Variants in GRAMD1C observed in about 807,000 individuals in gnomAD.
GRAMD1C encodes the protein protein Aster-C.
A neutral mutation model predicts 97.8 loss-of-function variants in GRAMD1C; 89 were observed. The observed-to-expected ratio is 0.91, with a 90% confidence interval of 0.77 to 1.09. GRAMD1C has a LOEUF of 1.09. Ranked by LOEUF, GRAMD1C falls within the 50% of genes least tolerant of loss-of-function variation. The pLI is 0.00. For synonymous variants in GRAMD1C, 256 were observed against 267.0 expected, an observed-to-expected ratio of 0.96 and a Z score of 0.40; for missense variants, 740 against 766.4, an observed-to-expected ratio of 0.97 and a Z score of 0.41.
chr3:113,879,740 C>T (rs536252325), intron 5 of GRAMD1C, among the ~76,000 whole-genome samples: 7 of 143,192 alleles, frequency 4.9e-5, no homozygotes, highest in African/African-American at 1.8e-4. Flanking sequence ...GTCAACCAGG[C>T]TGGAGTGCAA....
chr3:113,872,383 TTTTTTTTC>T (rs1365560542), intron 3 of GRAMD1C, among the ~76,000 whole-genome samples: 1 of 115,994 alleles, frequency 8.6e-6, no homozygotes, highest in Non-Finnish European at 1.9e-5. Flanking sequence ...CACTTCATTC[TTTTTTTTC>T]TTTTTTTTTT....
intron 8 of GRAMD1C, among the ~76,000 whole-genome samples, chr3:113,905,317 G>A (rs192463864): frequency 5.3e-5 from 8 of 152,272 alleles, no homozygotes; most frequent in Admixed American, 5.2e-4. Flanking sequence ...CATTTTGTAT[G>A]TTTTCTGCTC....
rs144952328 is a variant in GRAMD1C at position 113,863,060 on chromosome 3, A to G, written c.175-6447A>G. On this transcript the variant is annotated intron_variant, in intron 2 of 17. Coordinates refer to ENST00000358160, the MANE Select transcript of GRAMD1C (RefSeq NM_017577.5). ...CTAAAAATTTAAACAGAGTTACTATATGACCCAGCAATTCTTCTCTTAGAT... is the reference window on the plus strand; with the variant it reads ...CTAAAAATTTAAACAGAGTTACTATGTGACCCAGCAATTCTTCTCTTAGAT... Among the ~76,000 whole-genome samples, 50 of 152,336 alleles carry G rather than the reference A, an allele frequency of 3.3e-4. 1 individual carries two copies. The highest frequency in any genetic ancestry group is 1.1e-3 in the African/African-American group (47 of 41,580).
chr3:113,862,769 A>G (rs1227684237), intron 2 of GRAMD1C, among the ~76,000 whole-genome samples: 1 of 152,208 alleles, frequency 6.6e-6, no homozygotes, highest in Admixed American at 6.5e-5. Flanking sequence ...GTAAGAAATT[A>G]TAAAAGTATT....
chr3:113,891,011 G>A (rs79717238), intron 6 of GRAMD1C: 9 of 446,956 alleles, frequency 2.0e-5, no homozygotes, highest in African/African-American at 1.4e-4. Flanking sequence ...TGTTTCTGAT[G>A]TATACACACG....
At chr3:113,871,765 AAC>A (rs1491007945) in intron 3 of GRAMD1C, among the ~76,000 whole-genome samples, 5 of 149,888 alleles carry the variant, frequency 3.3e-5, no homozygotes, top group African/African-American at 9.9e-5. Flanking sequence ...AAAAAAAAAA[AAC>A]AACCAACAAT....
intron 10 of GRAMD1C, among the ~76,000 whole-genome samples, chr3:113,918,565 C>T (rs779328550): frequency 3.9e-5 from 6 of 152,202 alleles, no homozygotes; most frequent in African/African-American, 7.2e-5. Flanking sequence ...ACTTCTAAAC[C>T]TAAACAGTTA....
chr3:113,868,832 G>T lies in GRAMD1C; in HGVS notation c.175-675G>T, dbSNP rs565065880. ...TCTCTAGTTTGTGTTACGCACATTG[G>T]AGCTTTTGTTCAGCTAGGAATATGT... On this transcript the variant is annotated intron_variant, in intron 2 of 17. Coordinates refer to ENST00000358160, the MANE Select transcript of GRAMD1C (RefSeq NM_017577.5). Among the ~76,000 whole-genome samples the T allele has an allele frequency of 2.3e-4, 35 of 152,256 alleles. No homozygotes were observed. In the South Asian group the frequency reaches 7.0e-3, roughly 31 times the overall value.
chr3:113,877,992 C>G (rs1935113601), intron 5 of GRAMD1C, among the ~76,000 whole-genome samples: 1 of 152,094 alleles, frequency 6.6e-6, no homozygotes, highest in Non-Finnish European at 1.5e-5. Context: ...TTTGGTCAGG[C>G]TGGTCTTGAA....
At chr3:113,885,904 A>C (rs1423502585) in intron 6 of GRAMD1C, 2 of 1,612,710 alleles carry the variant, frequency 1.2e-6, no homozygotes, top group South Asian at 1.1e-5. Flanking sequence ...ATCCCCATCA[A>C]ATCCTGGTTC....
intron 6 of GRAMD1C, among the ~76,000 whole-genome samples, chr3:113,899,076 T>C (rs1936045201): frequency 6.6e-6 from 1 of 152,084 alleles, no homozygotes; most frequent in South Asian, 2.1e-4. Context: ...TAGGGAACCC[T>C]GGGGAGGAAT....
upstream of GRAMD1C, among the ~76,000 whole-genome samples, chr3:113,837,383 G>A (rs748533204): frequency 2.6e-5 from 4 of 152,186 alleles, no homozygotes; most frequent in Non-Finnish European, 5.9e-5. Flanking sequence ...ACACACCTGT[G>A]ACACAGTCTC....
Position 113,940,285 on chromosome 3 carries a change from T to A in GRAMD1C, c.1848T>A (p.Asn616Lys). 6.2e-7 allele frequency: 1 copy of A among 1,612,010 alleles called. No homozygotes were observed. The highest frequency in any genetic ancestry group is 8.5e-7 in the Non-Finnish European group (1 of 1,178,038). The part of the protein sequence containing the change: ...MVSRAETIQK[N>K]KDQAHRLKGV... ...CAAGAGCAGAAACTATTCAGAAGAA[T>A]AAAGATCAGGCCCATCGTTTAAAGG... Residue 616 changes from asparagine to lysine, a missense_variant, in exon 17 of 18, where the codon AAT becomes AAA. Coordinates refer to ENST00000358160, the MANE Select transcript of GRAMD1C (RefSeq NM_017577.5).
chr3:113,866,512 C>T (rs968564888), intron 2 of GRAMD1C, among the ~76,000 whole-genome samples: 20 of 151,838 alleles, frequency 1.3e-4, no homozygotes, highest in Admixed American at 1.3e-4. Context: ...GTGTTTATTC[C>T]GTTTACATTT....
At chr3:113,898,816 T>C (rs1408167486) in intron 6 of GRAMD1C, among the ~76,000 whole-genome samples, 1 of 152,194 alleles carries the variant, frequency 6.6e-6, no homozygotes, top group Non-Finnish European at 1.5e-5. Flanking sequence ...TTTTTGACTT[T>C]TTGAAATATT....
At chr3:113,875,823 T>C (rs1935007865) in intron 4 of GRAMD1C, 1 of 406,924 alleles carries the variant, frequency 2.5e-6, no homozygotes, top group African/African-American at 2.0e-5. Flanking sequence ...GAAAAAAAGC[T>C]TGAACATATA....
chr3:113,844,555 A>T lies in GRAMD1C; in HGVS notation c.80A>T (p.Glu27Val), dbSNP rs1933527308. 4 of 1,606,054 alleles carry T rather than the reference A, an allele frequency of 2.5e-6. No individual in the cohort carries two copies. The highest frequency in any genetic ancestry group is 3.4e-6 in the Non-Finnish European group (4 of 1,173,952). Reference protein sequence around the residue: ...SLATDLQEDVEENPSPTVEEN... With the variant: ...SLATDLQEDVVENPSPTVEEN... ...GCCACCGACTTACAGGAAGATGTAGAGGAAAATCCTAGTCCAACTGTGGAA... is the reference window on the plus strand; with the variant it reads ...GCCACCGACTTACAGGAAGATGTAGTGGAAAATCCTAGTCCAACTGTGGAA... Residue 27 changes from glutamate (E) to valine (V), a missense_variant, in exon 2 of 18, where the codon GAG becomes GTG. Glu to Val is a moderately radical substitution (Grantham distance 121, BLOSUM62 -2). Coordinates refer to ENST00000358160, the MANE Select transcript of GRAMD1C (RefSeq NM_017577.5).
At chr3:113,909,594 C>T (rs1936493484) in intron 9 of GRAMD1C, among the ~76,000 whole-genome samples, 1 of 151,942 alleles carries the variant, frequency 6.6e-6, no homozygotes. Flanking sequence ...TCAATACTGC[C>T]CAAGTTATTT....
rs1230633745 is a variant in GRAMD1C, at chr3:113,936,461, A to G, written c.1633+19A>G. On this transcript the variant is annotated intron_variant, in intron 14 of 17. Coordinates refer to ENST00000358160, the MANE Select transcript of GRAMD1C (RefSeq NM_017577.5). ...ATTACAGGTAGTTGTCACCTGGTAAACAGAGATGAAAGATTTTTACTTTAG... is the reference window on the plus strand; with the variant it reads ...ATTACAGGTAGTTGTCACCTGGTAAGCAGAGATGAAAGATTTTTACTTTAG... 1.3e-6 allele frequency: 2 copies of G among 1,524,390 alleles called. No individual in the cohort carries two copies. The highest frequency in any genetic ancestry group is 9.0e-7 in the Non-Finnish European group (1 of 1,113,786). The allele number at this position is 1,524,390 out of a possible 1,614,324, so 94.4% of individuals were successfully genotyped here.
Sources: allele counts gnomAD v4.1 joint callset (sites outside exome capture counted in the v4.1 genomes callset), GRCh38; gene constraint gnomAD v4.1.1; transcripts MANE v1.5; gene names NCBI Gene and HGNC (gene_info 2026-07-23, HGNC 2026-07-21).